The following CACNA1B variants were observed in gnomAD, a reference collection of about 807,000 sequenced individuals.
The protein encoded by CACNA1B is voltage-dependent N-type calcium channel subunit alpha-1B.
Under a neutral mutation model 247.2 loss-of-function variants are expected in CACNA1B, and 70 were observed. That is an observed-to-expected ratio of 0.28 (90% CI 0.23 to 0.35). The LOEUF is 0.35. Among genes scored for constraint, CACNA1B ranks in the 10% least tolerant of loss-of-function variants. The pLI, the probability that CACNA1B is intolerant of heterozygous loss-of-function variation, is 1.00. For missense variants in CACNA1B, 2,367 were observed against 3,197.4 expected, an observed-to-expected ratio of 0.74 and a Z score of 6.26; for synonymous variants, 1,231 against 1,294.4, an observed-to-expected ratio of 0.95 and a Z score of 1.05.
rs1169487320 is a variant in CACNA1B at position 137,882,545 on chromosome 9, T to A, written c.391-199T>A. On this transcript the variant is annotated intron_variant, in intron 2 of 46. Coordinates refer to ENST00000371372, the MANE Select transcript of CACNA1B (RefSeq NM_000718.4). This position sits in a 1 kb window ranked among gnomAD's most constrained non-coding sequence, Gnocchi z 4.0. ...ACAGTGGTGTCCCCATTAGGGGACA[T>A]GTGCAGACAGCAAGCAGGCTCAGTG... is the stretch of plus-strand genomic sequence containing the variant. Among the ~76,000 whole-genome samples, 1 of 152,148 alleles carries A rather than the reference T, an allele frequency of 6.6e-6. No homozygotes were observed.
intron 41 of CACNA1B, among the ~76,000 whole-genome samples, chr9:138,115,099 G>C (rs1175603735): frequency 6.6e-6 from 1 of 152,132 alleles, no homozygotes; most frequent in East Asian, 1.9e-4. Context: ...TCACACCTGG[G>C]GTAGACATCA....
At position 138,053,941 on chromosome 9, in the gene CACNA1B, G is replaced by A. The variant is rs781570375; in HGVS notation, c.3903G>A (p.Val1301=). 3 of 1,613,810 alleles carry A rather than the reference G, an allele frequency of 1.9e-6. No individual in the cohort carries two copies. In the South Asian group the frequency reaches 3.3e-5, roughly 18 times the overall value. The change falls in exon 26 of 47, where the codon GTG becomes GTA. Residue 1301 remains valine, a synonymous_variant. Coordinates refer to ENST00000371372, the MANE Select transcript of CACNA1B (RefSeq NM_000718.4). The part of the protein sequence containing the change: ...LFMFIFAVIA[V]QLFKGKFFYC... ...TGTTCATATTTGCCGTCATTGCGGTGCAGCTCTTCAAAGGGAAGTTTTTCT... is the reference window on the plus strand; with the variant it reads ...TGTTCATATTTGCCGTCATTGCGGTACAGCTCTTCAAAGGGAAGTTTTTCT...
intron 21 of CACNA1B, among the ~76,000 whole-genome samples, chr9:138,046,114 G>A (rs1319162764): frequency 6.6e-6 from 1 of 152,200 alleles, no homozygotes; most frequent in Non-Finnish European, 1.5e-5. Flanking sequence ...CAGTAGCAGG[G>A]AGGCCCCTGC....
Position 138,102,306 on chromosome 9 carries a change from C to T in CACNA1B, c.5223-405C>T, listed in dbSNP as rs1159165999. ...TGCCACCTGACCCCGCCTGCCAGCT[C>T]TTCTGGCAGGGTGGACCAGCTCTTT... On this transcript the variant is annotated intron_variant, in intron 37 of 46. Coordinates refer to ENST00000371372, the MANE Select transcript of CACNA1B (RefSeq NM_000718.4). The surrounding 1 kb of genome is among the most constrained non-coding windows in gnomAD (Gnocchi z 5.4). Among the ~76,000 whole-genome samples, 1 of 152,194 alleles carries T rather than the reference C, an allele frequency of 6.6e-6. No homozygotes were observed.
intron 26 of CACNA1B, among the ~76,000 whole-genome samples, chr9:138,055,550 G>A (rs778320506): frequency 1.4e-4 from 21 of 152,056 alleles, no homozygotes; most frequent in Non-Finnish European, 2.4e-4. Context: ...GTTTTCTTCT[G>A]AAAAGTGTTA....
Position 138,010,495 on chromosome 9 carries a change from G to A in CACNA1B, c.2160+418G>A, listed in dbSNP as rs1958710399. Among the ~76,000 whole-genome samples, 1 of 152,160 alleles carries A rather than the reference G, an allele frequency of 6.6e-6. No homozygotes were observed. The highest frequency in any genetic ancestry group is 2.4e-5 in the African/African-American group (1 of 41,412). Reference sequence around the variant, plus strand: ...CCTGGTGGGGGATGCAATTGTACATGTCTCCCTCTGTGATATCCCTCCGGA... The same window carrying A: ...CCTGGTGGGGGATGCAATTGTACATATCTCCCTCTGTGATATCCCTCCGGA... On this transcript the variant is annotated intron_variant, in intron 17 of 46. Coordinates refer to ENST00000371372, the MANE Select transcript of CACNA1B (RefSeq NM_000718.4). The surrounding 1 kb of genome is among the most constrained non-coding windows in gnomAD (Gnocchi z 5.3).
rs186576543 is a variant in CACNA1B, at chr9:138,011,416, C to A, written c.2160+1339C>A. On this transcript the variant is annotated intron_variant, in intron 17 of 46. Coordinates refer to ENST00000371372, the MANE Select transcript of CACNA1B (RefSeq NM_000718.4). This position sits in a 1 kb window ranked among gnomAD's most constrained non-coding sequence, Gnocchi z 4.2. ...ATTTAGGAATTTCTTCTCTGAGGAT[C>A]GGGGCCACTGGGGGCCTGTCTGTGT... Among the ~76,000 whole-genome samples, 1 of 152,152 alleles carries A rather than the reference C, an allele frequency of 6.6e-6. No homozygotes were observed. The highest frequency in any genetic ancestry group is 6.5e-5 in the Admixed American group (1 of 15,282).
chr9:138,110,392 G>A (rs371042888), intron 39 of CACNA1B, among the ~76,000 whole-genome samples: 1 of 152,048 alleles, frequency 6.6e-6, no homozygotes, highest in African/African-American at 2.4e-5. Flanking sequence ...TGGAATTACG[G>A]GAGTGAGCCA....
intron 5 of CACNA1B, among the ~76,000 whole-genome samples, chr9:137,916,683 A>T (rs955595313): frequency 6.6e-6 from 1 of 152,124 alleles, no homozygotes; most frequent in Non-Finnish European, 1.5e-5. Context: ...TGTCAGGAGG[A>T]TATTGCTGGC....
intron 31 of CACNA1B, among the ~76,000 whole-genome samples, chr9:138,067,796 C>T (rs1959972148): frequency 6.6e-6 from 1 of 152,206 alleles, no homozygotes; most frequent in Non-Finnish European, 1.5e-5. Context: ...TGGACATGTG[C>T]ATACAACTCA....
intron 20 of CACNA1B, among the ~76,000 whole-genome samples, chr9:138,025,882 C>T (rs1270175865): frequency 1.3e-5 from 2 of 152,182 alleles, no homozygotes; most frequent in South Asian, 2.1e-4. Context: ...AGGAGGAGCC[C>T]TCCTTTCTTA....
chr9:138,036,754 G>GCTCCGT (rs1426516875), intron 20 of CACNA1B, among the ~76,000 whole-genome samples: 1 of 152,122 alleles, frequency 6.6e-6, no homozygotes, highest in African/African-American at 2.4e-5. Context: ...GAACTCCTGT[G>GCTCCGT]CTCCGTCTCC....
At chr9:138,000,474 C>T (rs1958563063) in intron 15 of CACNA1B, among the ~76,000 whole-genome samples, 1 of 152,142 alleles carries the variant, frequency 6.6e-6, no homozygotes, top group African/African-American at 2.4e-5. Flanking sequence ...CTGGACATTT[C>T]ATAATTATAA....
intron 6 of CACNA1B, among the ~76,000 whole-genome samples, chr9:137,924,500 G>T (rs1957528685): frequency 6.6e-6 from 1 of 152,064 alleles, no homozygotes; most frequent in Non-Finnish European, 1.5e-5. Context: ...ATTTATGTGG[G>T]TCTATTTCAG....
At chr9:137,978,496 C>T (rs1958255606) in intron 12 of CACNA1B, among the ~76,000 whole-genome samples, 1 of 151,754 alleles carries the variant, frequency 6.6e-6, no homozygotes, top group South Asian at 2.1e-4. Flanking sequence ...AGTGCCCTCC[C>T]ATGAAGGAGT....
At chr9:137,960,528 CCAG>C (rs150808700) in intron 10 of CACNA1B, among the ~76,000 whole-genome samples, 22 of 132,342 alleles carry the variant, frequency 1.7e-4, no homozygotes, top group East Asian at 7.3e-4. Context: ...TGAGGGATGC[CCAG>C]GGGAGAGAGG....
chr9:138,006,987 G>A (rs759326141), intron 16 of CACNA1B, 103 bp downstream of exon 16: 23 of 675,862 alleles, frequency 3.4e-5, no homozygotes, highest in African/African-American at 3.2e-4. Context: ...GGCCGTGGAC[G>A]TGAGAGGTGC....
chr9:138,073,289 C>A lies in CACNA1B; in HGVS notation c.4675-199C>A. On this transcript the variant is annotated intron_variant, in intron 32 of 46. Coordinates refer to ENST00000371372, the MANE Select transcript of CACNA1B (RefSeq NM_000718.4). This position sits in a 1 kb window ranked among gnomAD's most constrained non-coding sequence, Gnocchi z 6.4. ...GATTTGCTGCATGAGAAGTGATTTG[C>A]AAGGACAAGCTTTACTTCTGGAAGA... is the stretch of plus-strand genomic sequence containing the variant. Among the ~76,000 whole-genome samples the A allele has an allele frequency of 6.6e-6, 1 of 152,204 alleles. No individual in the cohort carries two copies. The highest frequency in any genetic ancestry group is 1.9e-4 in the East Asian group (1 of 5,194).
chr9:138,079,925 G>A (rs964454505), intron 36 of CACNA1B, among the ~76,000 whole-genome samples: 9 of 151,802 alleles, frequency 5.9e-5, no homozygotes, highest in African/African-American at 1.9e-4. Context: ...GGCAGAGGCC[G>A]TTAGCACCCT....
Sources: allele counts gnomAD v4.1 joint callset (sites outside exome capture counted in the v4.1 genomes callset), GRCh38; gene constraint gnomAD v4.1.1; non-coding constraint Gnocchi (gnomAD v3.1); transcripts MANE v1.5; gene names NCBI Gene and HGNC (gene_info 2026-07-23, HGNC 2026-07-21).